The following RIMKLB variants were observed in gnomAD, a reference collection of about 807,000 sequenced individuals.
The protein encoded by RIMKLB is beta-citrylglutamate synthase B.
Under a neutral mutation model 32.0 loss-of-function variants are expected in RIMKLB, and 7 were observed. The observed-to-expected ratio is 0.22, with a 90% confidence interval of 0.12 to 0.41. RIMKLB has a LOEUF of 0.41. RIMKLB is among the 10% of genes least tolerant of loss of function. The pLI, the probability that RIMKLB is intolerant of heterozygous loss-of-function variation, is 1.00. For synonymous variants in RIMKLB, 172 were observed against 185.1 expected (o/e 0.93, Z 0.57); for missense variants, 289 against 498.7 (o/e 0.58, Z 4.00).
intron 2 of RIMKLB, among the ~76,000 whole-genome samples, chr12:8,718,341 C>A (rs949319169): frequency 6.6e-6 from 1 of 152,072 alleles, no homozygotes; most frequent in Admixed American, 6.6e-5. Context: ...GGTTTGTCGA[C>A]CTCTTTTTAA....
intron 5 of RIMKLB, 150 bp from the exon 6 acceptor site, chr12:8,773,171 A>C (rs1375988847): frequency 1.6e-6 from 1 of 614,710 alleles, no homozygotes; most frequent in Non-Finnish European, 2.9e-6. Context: ...GATTAAGGAA[A>C]TCTAGACTTA....
upstream of RIMKLB, chr12:8,678,853 T>C (rs1160980021): frequency 6.6e-6 from 1 of 152,242 alleles, no homozygotes; most frequent in Non-Finnish European, 1.5e-5. Flanking sequence ...TTCAGGATGA[T>C]CTGACATCAG....
In RIMKLB at chr12:8,768,121, G is replaced by T. The variant is rs563003064; in HGVS notation, c.698-5200G>T. On this transcript the variant is annotated intron_variant, in intron 5 of 5. Coordinates refer to ENST00000535829, the MANE Select transcript of RIMKLB (RefSeq NM_001297776.2). ...TGTGGTGAGTGTTATAGCTCTATTAGAAGCCATGGGTCACGGAAGAGAACT... is the reference window on the plus strand; with the variant it reads ...TGTGGTGAGTGTTATAGCTCTATTATAAGCCATGGGTCACGGAAGAGAACT... Among the ~76,000 whole-genome samples the T allele has an allele frequency of 1.1e-3, 168 of 152,276 alleles. 1 individual carries two copies. The highest frequency in any genetic ancestry group is 1.8e-3 in the Admixed American group (27 of 15,294).
chr12:8,701,899 G>GT (rs891442970), intron 1 of RIMKLB, among the ~76,000 whole-genome samples: 1 of 151,706 alleles, frequency 6.6e-6, no homozygotes, highest in Non-Finnish European at 1.5e-5. Flanking sequence ...CAGCTACTCG[G>GT]GGGGGCTGAG....
intron 5 of RIMKLB, among the ~76,000 whole-genome samples, chr12:8,763,538 G>A (rs996745258): frequency 2.0e-5 from 3 of 152,240 alleles, no homozygotes; most frequent in African/African-American, 4.8e-5. Flanking sequence ...TTTGGGATGA[G>A]GATAAGCCAA....
chr12:8,782,915 C>G (rs1022125674), exon 8 of RIMKLB: 13 of 152,112 alleles, frequency 8.5e-5, no homozygotes, highest in African/African-American at 2.9e-4. Flanking sequence ...CCCCTAGGTT[C>G]TTTTGAAGTA....
At chr12:8,765,832 A>T (rs145961834) in intron 5 of RIMKLB, among the ~76,000 whole-genome samples, 1 of 152,102 alleles carries the variant, frequency 6.6e-6, no homozygotes, top group East Asian at 1.9e-4. Context: ...CACTTTTTAC[A>T]TAATTGTGAC....
chr12:8,775,752 A>G lies in RIMKLB; in HGVS notation c.*1968A>G, dbSNP rs1381287596. 1 of 985,308 alleles carries G rather than the reference A, an allele frequency of 1.0e-6. No homozygotes were observed. Among genetic ancestry groups the G allele is most frequent in the African/African-American group, 1.7e-5 (1 of 57,240 alleles). 61.0% of individuals were successfully genotyped at this position (985,308 alleles called of 1,614,324 possible). A position where few individuals can be genotyped will look rare whatever the true frequency, so the allele number is the denominator to read the frequency against. ...GAAAGGTTGATTGTTGATGAATAGA[A>G]TAGTACCTCTCATCTGTGCAGTGTC... On this transcript the variant is annotated 3_prime_UTR_variant, in exon 6 of 6. Coordinates refer to ENST00000535829, the MANE Select transcript of RIMKLB (RefSeq NM_001297776.2).
At chr12:8,770,017 G>A (rs1429480313) in intron 5 of RIMKLB, among the ~76,000 whole-genome samples, 1 of 98,430 alleles carries the variant, frequency 1.0e-5, no homozygotes, top group Non-Finnish European at 2.2e-5. Context: ...TGTTGCCCAG[G>A]CTTGGAGTGC....
At chr12:8,778,143 TA>T (rs1950840555), downstream of RIMKLB, among the ~76,000 whole-genome samples, 1 of 152,212 alleles carries the variant, frequency 6.6e-6, no homozygotes, top group African/African-American at 2.4e-5. Context: ...TACTCTGGCT[TA>T]AGCTTTTTCA....
chr12:8,682,036 T>C (rs989350725), intron 1 of RIMKLB, among the ~76,000 whole-genome samples: 1 of 152,052 alleles, frequency 6.6e-6, no homozygotes, highest in African/African-American at 2.4e-5. Flanking sequence ...AGTTGGATTG[T>C]AGGACACCCA....
In RIMKLB at chr12:8,700,990, TG is replaced by T. The variant is rs768436770; in HGVS notation, c.-57+2696del. Among the ~76,000 whole-genome samples the T allele has an allele frequency of 1.8e-4, 28 of 152,070 alleles. No homozygotes were observed. The East Asian group carries it at 4.4e-3, about 24-fold the overall frequency. On this transcript the variant is annotated intron_variant, in intron 1 of 5. Transcript: ENST00000535829. ...CTGAGGCACAAGAATCGCTTGAACC[TG>T]GGAGGTGGAGGTTGCGGTGAGCCGA... is the stretch of plus-strand genomic sequence containing the variant.
chr12:8,745,955 A>G (rs1948047773), intron 2 of RIMKLB, among the ~76,000 whole-genome samples: 2 of 151,744 alleles, frequency 1.3e-5, no homozygotes, highest in African/African-American at 2.4e-5. Context: ...TCGGCTTCCT[A>G]AAGTGCTGGG....
intron 1 of RIMKLB, chr12:8,699,750 C>G (rs950781813): frequency 6.6e-6 from 1 of 152,106 alleles, no homozygotes; most frequent in Non-Finnish European, 1.5e-5. Flanking sequence ...CTCTGTCTCC[C>G]TTTTTTCTCT....
chr12:8,773,956 A>C lies in RIMKLB; in HGVS notation c.*172A>C. On this transcript the variant is annotated 3_prime_UTR_variant, in exon 6 of 6. Transcript: ENST00000535829. ...ATGAGACCTCTGCTAGTAAGATGTT[A>C]CTTTCATTTACAAATCCTACAAATA... 1 of 1,404,830 alleles carries C rather than the reference A, an allele frequency of 7.1e-7. No individual in the cohort carries two copies. Among genetic ancestry groups the C allele is most frequent in the Non-Finnish European group, 9.2e-7 (1 of 1,083,476 alleles). 87.0% of individuals were successfully genotyped at this position (1,404,830 alleles called of 1,614,324 possible). A position where few individuals can be genotyped will look rare whatever the true frequency, so the allele number is the denominator to read the frequency against.
chr12:8,777,215 C>CTTTTTTTTTTTATTTTTTTTT (rs1950778879), downstream of RIMKLB: 1 of 644,908 alleles, frequency 1.6e-6, no homozygotes, highest in Non-Finnish European at 1.8e-6. Context: ...TGCTTGCTTT[C>CTTTTTTTTTTTATTTTTTTTT]TTTTTTTTTT....
downstream of RIMKLB, chr12:8,777,721 C>T (rs761346512): frequency 2.5e-5 from 31 of 1,259,868 alleles, no homozygotes; most frequent in Non-Finnish European, 3.2e-5. Flanking sequence ...CTTCTAAACT[C>T]CCCTTCCCCC....
chr12:8,712,645 A>G (rs888133524), intron 1 of RIMKLB, among the ~76,000 whole-genome samples: 4 of 152,134 alleles, frequency 2.6e-5, no homozygotes, highest in African/African-American at 7.2e-5. Flanking sequence ...TGTGGCAGAC[A>G]TGGCATTTCA....
At chr12:8,677,682 A>G (rs1451804844), upstream of RIMKLB, among the ~76,000 whole-genome samples, 1 of 152,014 alleles carries the variant, frequency 6.6e-6, no homozygotes, top group African/African-American at 2.4e-5. Flanking sequence ...TGACATACAT[A>G]GCTATTCATA....
Sources: gnomAD v4.1 joint callset for allele counts (sites outside exome capture counted in the v4.1 genomes callset) on GRCh38, gnomAD v4.1.1 for gene constraint, MANE v1.5 for transcripts, NCBI Gene and HGNC (gene_info 2026-07-23, HGNC 2026-07-21) for gene names.